Variants in ANK2 observed in about 807,000 individuals in gnomAD.
ANK2 encodes ankyrin 2.
In ANK2, 83 loss-of-function variants were observed where a neutral mutation model predicts 360.5. The observed-to-expected ratio is 0.23, with a 90% CI of 0.19 to 0.28. ANK2 has a LOEUF of 0.28. Among genes scored for constraint, ANK2 ranks in the 10% least tolerant of loss-of-function variants. ANK2 has a pLI of 1.00. For missense variants in ANK2, 4,201 were observed against 4,795.7 expected, an observed-to-expected ratio of 0.88 and a Z score of 3.66; for synonymous variants, 1,740 against 1,759.5, an observed-to-expected ratio of 0.99 and a Z score of 0.28.
the ANK2 span, among the ~76,000 whole-genome samples, chr4:112,756,796 A>T: frequency 1.3e-5 from 2 of 152,144 alleles, no homozygotes; most frequent in African/African-American, 4.8e-5. Flanking sequence ...AACATAGTAC[A>T]ACCCCATCTC....
At chr4:113,094,598 T>C (rs2090178138) in intron 1 of ANK2, among the ~76,000 whole-genome samples, 1 of 152,152 alleles carries the variant, frequency 6.6e-6, no homozygotes, top group Non-Finnish European at 1.5e-5. Context: ...TACAGTTATC[T>C]TCTTGTTAGC....
At chr4:113,350,541 C>T (rs2095345099) in intron 37 of ANK2, 1 of 327,976 alleles carries the variant, frequency 3.0e-6, no homozygotes, top group African/African-American at 2.1e-5. Context: ...TAGAAACCCA[C>T]CCTACCGTTT....
chr4:112,831,409 A>T (rs1352290922), intron 1 of ANK2, among the ~76,000 whole-genome samples: 4 of 152,206 alleles, frequency 2.6e-5, no homozygotes, highest in African/African-American at 9.7e-5. Context: ...GGGGACTTGG[A>T]GAACTTTTGT....
chr4:113,246,303 T>G (rs72898080), intron 9 of ANK2, among the ~76,000 whole-genome samples: 4,048 of 152,266 alleles, frequency 0.027, 195 homozygotes, highest in African/African-American at 0.092. Flanking sequence ...TTTCAGATAA[T>G]TAAGAAACAA....
intron 1 of ANK2, among the ~76,000 whole-genome samples, chr4:113,139,738 G>C (rs2154383805): frequency 6.6e-6 from 1 of 152,280 alleles, no homozygotes; most frequent in Middle Eastern, 3.4e-3. Context: ...GTTGGGCATT[G>C]CGTGGAGTAG....
intron 2 of ANK2, among the ~76,000 whole-genome samples, chr4:112,925,347 C>G (rs1191320164): frequency 1.3e-5 from 2 of 152,216 alleles, no homozygotes; most frequent in Non-Finnish European, 2.9e-5. Flanking sequence ...CTCTCAAGTA[C>G]AGCAGCCACT....
At chr4:113,194,080 C>G (rs1160397481) in intron 2 of ANK2, among the ~76,000 whole-genome samples, 1 of 152,106 alleles carries the variant, frequency 6.6e-6, no homozygotes, top group African/African-American at 2.4e-5. Flanking sequence ...TTTATCGGGA[C>G]AAAAATTACA....
intron 2 of ANK2, among the ~76,000 whole-genome samples, chr4:113,014,226 GGTA>G (rs2055752682): frequency 6.6e-6 from 1 of 151,910 alleles, no homozygotes; most frequent in Admixed American, 6.6e-5. Context: ...AGGATGGCTG[GGTA>G]ATCAATAAAT....
rs752199573 is a variant in ANK2 at position 113,345,880 on chromosome 4, G to A, written c.4249-20G>A. The A allele has an allele frequency of 1.9e-6, 3 of 1,612,842 alleles. No homozygotes were observed. The highest frequency in any genetic ancestry group is 1.7e-5 in the Admixed American group (1 of 59,982). On this transcript the variant is annotated intron_variant, in intron 34 of 45. Coordinates refer to ENST00000357077, the MANE Select transcript of ANK2 (RefSeq NM_001148.6). ...TGCAAATCAAATGTGGGTGAAGCAT[G>A]TATGTCTTTCTTGTTCAAGGTACGC...
intron 1 of ANK2, among the ~76,000 whole-genome samples, chr4:113,158,629 A>G (rs2154401155): frequency 6.6e-6 from 1 of 152,318 alleles, no homozygotes; most frequent in Admixed American, 6.5e-5. Flanking sequence ...CTGGGCTCCC[A>G]TTTTGAAGGT....
chr4:113,065,875 C>T (rs2075393406), intron 1 of ANK2, among the ~76,000 whole-genome samples: 1 of 152,142 alleles, frequency 6.6e-6, no homozygotes, highest in Admixed American at 6.5e-5. Flanking sequence ...CGTACCGGTG[C>T]TCCCAAACTA....
chr4:113,111,068 G>A (rs1322300276), intron 1 of ANK2, among the ~76,000 whole-genome samples: 1 of 151,952 alleles, frequency 6.6e-6, no homozygotes, highest in Non-Finnish European at 1.5e-5. Flanking sequence ...ACATTTACAG[G>A]CTTTTAAGCA....
intron 4 of ANK2, among the ~76,000 whole-genome samples, chr4:113,206,507 C>T (rs961942573): frequency 6.6e-6 from 1 of 151,828 alleles, no homozygotes. Flanking sequence ...GTATTACTAT[C>T]TGTAATACAA....
intron 9 of ANK2, among the ~76,000 whole-genome samples, chr4:113,248,731 G>T (rs1348417956): frequency 1.3e-5 from 2 of 152,122 alleles, no homozygotes; most frequent in African/African-American, 4.8e-5. Flanking sequence ...CAAACGAGAG[G>T]CCATTTGAGT....
Position 113,066,980 on chromosome 4 carries a change from A to G in ANK2, c.84+17168A>G, listed in dbSNP as rs145856562. 3.9e-4 allele frequency among the ~76,000 whole-genome samples: 59 copies of G among 152,038 alleles called. 1 individual carries two copies. Among genetic ancestry groups the G allele is most frequent in the South Asian group, 2.9e-3 (14 of 4,802 alleles). ...AGCATTATGTGAGTGTTTTGTTGCT[A>G]GTTTGTGAAGTGAAAAACAAGCAGG... On this transcript the variant is annotated intron_variant, in intron 1 of 45. Coordinates refer to ENST00000357077, the MANE Select transcript of ANK2 (RefSeq NM_001148.6).
chr4:112,992,982 T>C (rs2047322588), intron 2 of ANK2, among the ~76,000 whole-genome samples: 1 of 152,166 alleles, frequency 6.6e-6, no homozygotes, highest in Non-Finnish European at 1.5e-5. Flanking sequence ...CATTAATTTA[T>C]TTAAAATATT....
At chr4:113,090,091 T>A (rs2087043773) in intron 1 of ANK2, among the ~76,000 whole-genome samples, 1 of 152,214 alleles carries the variant, frequency 6.6e-6, no homozygotes, top group Admixed American at 6.5e-5. Flanking sequence ...CAAGGAAGTC[T>A]GTGAAATCAT....
the ANK2 span, among the ~76,000 whole-genome samples, chr4:112,767,445 C>T: frequency 5.3e-5 from 8 of 152,034 alleles, no homozygotes; most frequent in Non-Finnish European, 1.2e-4. Flanking sequence ...TCTGTAGTCC[C>T]AGCTACTCGG....
chr4:113,098,244 G>C (rs2092032406), intron 1 of ANK2, among the ~76,000 whole-genome samples: 1 of 151,828 alleles, frequency 6.6e-6, no homozygotes, highest in African/African-American at 2.4e-5. Context: ...TAAAACAATA[G>C]AGTAAAATCA....
Sources: gnomAD v4.1 joint callset for allele counts (sites outside exome capture counted in the v4.1 genomes callset) on GRCh38, gnomAD v4.1.1 for gene constraint, MANE v1.5 for transcripts, NCBI Gene and HGNC (gene_info 2026-07-23, HGNC 2026-07-21) for gene names.